The following DSCAM variants were observed in gnomAD, a reference collection of about 807,000 sequenced individuals.
DSCAM encodes cell adhesion molecule DSCAM.
Under a neutral mutation model 217.7 loss-of-function variants are expected in DSCAM, and 47 were observed. That is an observed-to-expected ratio of 0.22 (90% confidence interval 0.17 to 0.28). The LOEUF is 0.28. Ranked by LOEUF, DSCAM falls within the 10% of genes least tolerant of loss-of-function variation. The pLI, the probability that DSCAM is intolerant of heterozygous loss-of-function variation, is 1.00. For synonymous variants in DSCAM, 1,056 were observed against 1,015.3 expected (o/e 1.04, Z -0.76); for missense variants, 2,080 against 2,618.3 (o/e 0.79, Z 4.49).
chr21:40,799,624 C>A (rs2091721417), intron 1 of DSCAM, among the ~76,000 whole-genome samples: 1 of 152,144 alleles, frequency 6.6e-6, no homozygotes, highest in Non-Finnish European at 1.5e-5. Flanking sequence ...GCTTGTAAAG[C>A]TTTTCCACCT....
intron 11 of DSCAM, among the ~76,000 whole-genome samples, chr21:40,202,895 C>T (rs2091085490): frequency 6.6e-6 from 1 of 152,054 alleles, no homozygotes; most frequent in Non-Finnish European, 1.5e-5. Flanking sequence ...ATTCCTTTTT[C>T]ATTTGACTAT....
rs2076738737 is a variant in DSCAM, at chr21:40,563,598, T to C, written c.508+129212A>G. On this transcript the variant is annotated intron_variant, in intron 3 of 32. Transcript: ENST00000400454. ...AGTTATATGTTTATATGTTTATATG[T>C]TATATATATGTTTACATGTTTATAT... Among the ~76,000 whole-genome samples the C allele has an allele frequency of 5.8e-5, 3 of 51,846 alleles. 1 individual carries two copies. The Admixed American group carries it at 5.9e-4, about 10-fold the overall frequency. 34.0% of individuals were successfully genotyped at this position (51,846 alleles called of 152,430 possible).
At chr21:40,111,785 A>C (rs1239154847) in intron 20 of DSCAM, among the ~76,000 whole-genome samples, 1 of 152,078 alleles carries the variant, frequency 6.6e-6, no homozygotes, top group Non-Finnish European at 1.5e-5. Flanking sequence ...GATAAAACAG[A>C]CTTGAAACCA....
rs2091039118 is a variant in DSCAM, at chr21:40,734,069, G to A, written c.44-25298C>T. Reference sequence around the variant, plus strand: ...TGGGCCCTAACTTAATTATACAAATGTCAGTCCTTAATAAATGATAAGCAG... The same window carrying A: ...TGGGCCCTAACTTAATTATACAAATATCAGTCCTTAATAAATGATAAGCAG... On this transcript the variant is annotated intron_variant, in intron 1 of 32. Coordinates refer to ENST00000400454, the MANE Select transcript of DSCAM (RefSeq NM_001389.5). 4.6e-5 allele frequency among the ~76,000 whole-genome samples: 7 copies of A among 152,262 alleles called. No homozygotes were observed. The South Asian group carries it at 1.5e-3, about 32-fold the overall frequency.
At chr21:40,607,612 TG>T (rs1001754729) in intron 3 of DSCAM, among the ~76,000 whole-genome samples, 2 of 151,802 alleles carry the variant, frequency 1.3e-5, no homozygotes, top group African/African-American at 4.8e-5. Flanking sequence ...CATGGGCGGG[TG>T]GGGGTTTCCC....
At chr21:40,544,290 G>T (rs931139121) in intron 3 of DSCAM, among the ~76,000 whole-genome samples, 1 of 152,152 alleles carries the variant, frequency 6.6e-6, no homozygotes, top group Non-Finnish European at 1.5e-5. Flanking sequence ...TGTCACATCG[G>T]AAACTTCACA....
intron 15 of DSCAM, among the ~76,000 whole-genome samples, chr21:40,171,360 G>A (rs534535838): frequency 1.3e-5 from 2 of 152,284 alleles, no homozygotes; most frequent in South Asian, 2.1e-4. Context: ...TTACAGGTGT[G>A]AGCCACCATG....
intron 20 of DSCAM, among the ~76,000 whole-genome samples, chr21:40,109,442 C>A (rs1198123983): frequency 6.6e-6 from 1 of 152,162 alleles, no homozygotes; most frequent in East Asian, 1.9e-4. Flanking sequence ...TGGTGTGGAG[C>A]CAAGATGGCG....
intron 8 of DSCAM, among the ~76,000 whole-genome samples, chr21:40,330,563 G>C (rs1393869123): frequency 6.6e-6 from 1 of 151,864 alleles, no homozygotes; most frequent in Non-Finnish European, 1.5e-5. Context: ...TTCTAGAATA[G>C]AGGAATTTTA....
intron 1 of DSCAM, among the ~76,000 whole-genome samples, chr21:40,793,158 C>T (rs2091661945): frequency 6.6e-6 from 1 of 152,120 alleles, no homozygotes; most frequent in African/African-American, 2.4e-5. Flanking sequence ...TGTTCATGTG[C>T]CAGATAAAAT....
intron 3 of DSCAM, among the ~76,000 whole-genome samples, chr21:40,510,215 G>A (rs993784930): frequency 1.3e-5 from 2 of 151,894 alleles, no homozygotes; most frequent in Non-Finnish European, 1.5e-5. Flanking sequence ...GTATAGCCAG[G>A]TCCAATATAG....
rs566541487 is a variant in DSCAM at position 40,376,211 on chromosome 21, G to A, written c.509-6966C>T. Among the ~76,000 whole-genome samples, 489 of 152,090 alleles carry A rather than the reference G, an allele frequency of 3.2e-3. 1 individual carries two copies. Among genetic ancestry groups the A allele is most frequent in the East Asian group, 5.8e-3 (30 of 5,146 alleles). ...GCACGATGAAGCTTTTCTCAGCTGCGCCTGCCGTCGCCAATTGATGGCCAC... is the reference window on the plus strand; with the variant it reads ...GCACGATGAAGCTTTTCTCAGCTGCACCTGCCGTCGCCAATTGATGGCCAC... On this transcript the variant is annotated intron_variant, in intron 3 of 32. Coordinates refer to ENST00000400454, the MANE Select transcript of DSCAM (RefSeq NM_001389.5).
At chr21:40,652,837 GT>G (rs1160990421) in intron 3 of DSCAM, among the ~76,000 whole-genome samples, 7 of 152,218 alleles carry the variant, frequency 4.6e-5, no homozygotes, top group African/African-American at 1.7e-4. Context: ...ACGAGTGTCT[GT>G]TTTTATTCTT....
intron 11 of DSCAM, among the ~76,000 whole-genome samples, chr21:40,198,098 A>G (rs1364373108): frequency 1.3e-5 from 2 of 152,188 alleles, no homozygotes; most frequent in Non-Finnish European, 2.9e-5. Context: ...CTGCAAGGCA[A>G]GACCCAAACA....
At chr21:40,255,559 C>T (rs989193703) in intron 11 of DSCAM, among the ~76,000 whole-genome samples, 8 of 152,122 alleles carry the variant, frequency 5.3e-5, no homozygotes, top group African/African-American at 1.9e-4. Flanking sequence ...GGAGAAGATC[C>T]TAAATTCTCT....
At chr21:40,833,159 C>A (rs1166369793) in intron 1 of DSCAM, among the ~76,000 whole-genome samples, 1 of 152,040 alleles carries the variant, frequency 6.6e-6, no homozygotes, top group Non-Finnish European at 1.5e-5. Flanking sequence ...AAAAAGATTT[C>A]ATGGACTTTG....
At chr21:40,141,919 G>A (rs964150794) in intron 18 of DSCAM, among the ~76,000 whole-genome samples, 1 of 148,336 alleles carries the variant, frequency 6.7e-6, no homozygotes, top group African/African-American at 2.6e-5. Context: ...TGAGAAAGTC[G>A]TTTATTCAAA....
At chr21:40,796,275 G>A (rs149892588) in intron 1 of DSCAM, among the ~76,000 whole-genome samples, 65 of 152,290 alleles carry the variant, frequency 4.3e-4, no homozygotes, top group African/African-American at 1.5e-3. Context: ...CGGCAAATCC[G>A]AGCAGAAGTT....
At chr21:40,480,740 A>T (rs1322742677) in intron 3 of DSCAM, among the ~76,000 whole-genome samples, 2 of 152,246 alleles carry the variant, frequency 1.3e-5, no homozygotes, top group East Asian at 3.8e-4. Context: ...AGAAAGTTTA[A>T]GTGACAGTAA....
Sources: allele counts gnomAD v4.1 joint callset (sites outside exome capture counted in the v4.1 genomes callset), GRCh38; gene constraint gnomAD v4.1.1; transcripts MANE v1.5; gene names NCBI Gene and HGNC (gene_info 2026-07-23, HGNC 2026-07-21).